Variants in EIF4G3 observed in about 807,000 individuals in gnomAD.
EIF4G3 encodes eukaryotic translation initiation factor 4 gamma 3.
EIF4G3 carries 34 observed loss-of-function variants against 186.4 expected under a neutral mutation model. That is an observed-to-expected ratio of 0.18 (90% confidence interval 0.14 to 0.24). The LOEUF (loss-of-function observed/expected upper bound fraction) is 0.24. Ranked by LOEUF, EIF4G3 falls within the 10% of genes least tolerant of loss-of-function variation. EIF4G3 has a pLI of 1.00. For synonymous variants in EIF4G3, 673 were observed against 679.5 expected (o/e 0.99, Z 0.15); for missense variants, 1,536 against 1,948.5 (o/e 0.79, Z 3.99).
chr1:20,872,712 C>CT (rs2079555647), intron 20 of EIF4G3, among the ~76,000 whole-genome samples: 2 of 127,474 alleles, frequency 1.6e-5, no homozygotes, highest in Non-Finnish European at 1.7e-5. Flanking sequence ...AACTTTCTTG[C>CT]CTTTTTTTTT....
At chr1:21,173,283 G>T (rs1002280804) in intron 2 of EIF4G3, among the ~76,000 whole-genome samples, 2 of 151,246 alleles carry the variant, frequency 1.3e-5, no homozygotes, top group Non-Finnish European at 2.9e-5. Context: ...TGCAACTTCT[G>T]CCTCGTGGGT....
chr1:20,966,968 T>C (rs1419458625), intron 12 of EIF4G3, among the ~76,000 whole-genome samples: 2 of 152,220 alleles, frequency 1.3e-5, no homozygotes, highest in Non-Finnish European at 2.9e-5. Flanking sequence ...ATAACTGATG[T>C]TACACTTCCC....
chr1:21,159,340 T>C (rs2097717066), intron 2 of EIF4G3, among the ~76,000 whole-genome samples: 1 of 151,098 alleles, frequency 6.6e-6, no homozygotes, highest in South Asian at 2.1e-4. Context: ...CTTAGGAGGC[T>C]AAAATGGGAG....
intron 4 of EIF4G3, among the ~76,000 whole-genome samples, chr1:21,045,265 C>A (rs1295596799): frequency 6.6e-6 from 1 of 152,144 alleles, no homozygotes; most frequent in Non-Finnish European, 1.5e-5. Context: ...GGTGTTGGGA[C>A]CATTCATCAT....
chr1:21,006,829 A>C (rs1032026082), intron 4 of EIF4G3, among the ~76,000 whole-genome samples: 2 of 152,256 alleles, frequency 1.3e-5, no homozygotes, highest in Non-Finnish European at 2.9e-5. Context: ...GACATGTGAA[A>C]AAATTAATCT....
chr1:21,038,421 C>T (rs760048491), intron 4 of EIF4G3, among the ~76,000 whole-genome samples: 1 of 152,192 alleles, frequency 6.6e-6, no homozygotes, highest in Non-Finnish European at 1.5e-5. Context: ...TTAGGACCCT[C>T]TCTGGACCTA....
chr1:21,092,955 T>C (rs1015894895), intron 2 of EIF4G3, among the ~76,000 whole-genome samples: 11 of 152,240 alleles, frequency 7.2e-5, no homozygotes, highest in African/African-American at 2.6e-4. Flanking sequence ...TAATTCAAGA[T>C]GGATTAAAGA....
rs1035786032 is a variant in EIF4G3, at chr1:21,176,771, C to G, written c.-505G>C. ...CCGGCGGCGGGGGATCTTTATCCCC[C>G]TCCCCGGAGGAAGCGGCGCCCTTCT... On this transcript the variant is annotated 5_prime_UTR_variant, in exon 1 of 37. Coordinates refer to ENST00000602326, the MANE Select transcript of EIF4G3 (RefSeq NM_001391906.1). 2.9e-6 allele frequency: 2 copies of G among 700,338 alleles called. No homozygotes were observed. The highest frequency in any genetic ancestry group is 3.5e-5 in the African/African-American group (2 of 56,984). 43.4% of individuals were successfully genotyped at this position (700,338 alleles called of 1,614,324 possible). A position where few individuals can be genotyped will look rare whatever the true frequency, so the allele number is the denominator to read the frequency against.
At chr1:20,993,491 T>C (rs1338366396) in intron 7 of EIF4G3, among the ~76,000 whole-genome samples, 3 of 152,184 alleles carry the variant, frequency 2.0e-5, no homozygotes, top group Non-Finnish European at 4.4e-5. Context: ...AATAATTGTA[T>C]TTTTTCTTTG....
intron 34 of EIF4G3, among the ~76,000 whole-genome samples, chr1:20,813,760 C>T (rs577939701): frequency 6.6e-6 from 1 of 150,640 alleles, no homozygotes; most frequent in East Asian, 2.0e-4. Flanking sequence ...GCAGGAGAAT[C>T]GTTTGAACCT....
intron 11 of EIF4G3, among the ~76,000 whole-genome samples, chr1:20,971,237 T>C (rs1369621595): frequency 5.3e-5 from 8 of 152,200 alleles, no homozygotes; most frequent in Admixed American, 5.2e-4. Context: ...TCCACACTTC[T>C]TGAGAATTTC....
At chr1:20,954,267 G>C (rs1170371246) in intron 12 of EIF4G3, among the ~76,000 whole-genome samples, 3 of 152,072 alleles carry the variant, frequency 2.0e-5, no homozygotes, top group Non-Finnish European at 2.9e-5. Context: ...GCCAGGCAAG[G>C]TGGCTCACGC....
intron 2 of EIF4G3, among the ~76,000 whole-genome samples, chr1:21,131,242 A>G (rs1441330943): frequency 2.8e-5 from 4 of 142,456 alleles, no homozygotes; most frequent in Admixed American, 7.0e-5. Flanking sequence ...TCTGCCTCAA[A>G]AAAAAAAAAA....
chr1:21,062,286 C>A (rs1182878814), intron 3 of EIF4G3, among the ~76,000 whole-genome samples: 3 of 152,014 alleles, frequency 2.0e-5, no homozygotes, highest in South Asian at 4.2e-4. Context: ...CTTCAAACTC[C>A]TGGGCTCAAG....
intron 2 of EIF4G3, among the ~76,000 whole-genome samples, chr1:21,112,137 T>C (rs140829140): frequency 7.4e-4 from 112 of 152,342 alleles, no homozygotes; most frequent in South Asian, 1.9e-3. Flanking sequence ...TAAAGAAGAA[T>C]GATCTGATGG....
chr1:20,923,099 A>T (rs1003856833), intron 14 of EIF4G3, among the ~76,000 whole-genome samples: 1 of 151,944 alleles, frequency 6.6e-6, no homozygotes, highest in African/African-American at 2.4e-5. Context: ...ACGCTTCCCC[A>T]CTCAATACCC....
At chr1:20,932,234 T>C (rs757618106) in intron 14 of EIF4G3, among the ~76,000 whole-genome samples, 1 of 152,190 alleles carries the variant, frequency 6.6e-6, no homozygotes, top group Non-Finnish European at 1.5e-5. Context: ...CTGAAGAGAC[T>C]TAGGGCACTG....
At chr1:20,833,839 A>AAT (rs2065974760) in intron 30 of EIF4G3, among the ~76,000 whole-genome samples, 1 of 152,222 alleles carries the variant, frequency 6.6e-6, no homozygotes, top group Admixed American at 6.5e-5. Flanking sequence ...ACCCACAGCC[A>AAT]ATATCATACT....
intron 30 of EIF4G3, among the ~76,000 whole-genome samples, chr1:20,830,261 C>T (rs1405896159): frequency 6.6e-6 from 1 of 152,132 alleles, no homozygotes; most frequent in Non-Finnish European, 1.5e-5. Flanking sequence ...CTCACTAAAA[C>T]TTTTCACTTA....
Sources: gnomAD v4.1 joint callset for allele counts (sites outside exome capture counted in the v4.1 genomes callset) on GRCh38, gnomAD v4.1.1 for gene constraint, MANE v1.5 for transcripts, NCBI Gene and HGNC (gene_info 2026-07-23, HGNC 2026-07-21) for gene names.